The following RNF17 variants were observed in gnomAD, a reference collection of about 807,000 sequenced individuals.
RNF17 encodes the protein ring finger protein 17, also known as spermatogenesis associated 23.
A neutral mutation model predicts 200.5 loss-of-function variants in RNF17; 31 were observed. That is an observed-to-expected ratio of 0.15 (90% CI 0.12 to 0.21). RNF17 has a LOEUF of 0.21. Ranked by LOEUF, RNF17 falls within the 10% of genes least tolerant of loss-of-function variation. The pLI is 1.00. For missense variants in RNF17, 1,628 were observed against 1,905.1 expected (o/e 0.85, Z 2.71); for synonymous variants, 606 against 637.8 (o/e 0.95, Z 0.75).
rs200361407 is a variant in RNF17 at position 24,789,328 on chromosome 13, A to AT, written c.784-10dup. The AT allele has an allele frequency of 2.3e-3, 3,177 of 1,379,556 alleles. No individual in the cohort carries two copies. Among genetic ancestry groups the AT allele is most frequent in the East Asian group, 9.2e-3 (377 of 40,776 alleles). 85.5% of individuals were successfully genotyped at this position (1,379,556 alleles called of 1,614,324 possible). A position where few individuals can be genotyped will look rare whatever the true frequency, so the allele number is the denominator to read the frequency against. On this transcript the variant is annotated intron_variant, in intron 7 of 35. Transcript: ENST00000255324. ...TTGTGACAAGATTCACACATGAATG[A>AT]TTTTTTTTTTAAATTCTAGATTATC... is the stretch of plus-strand genomic sequence containing the variant.
intron 5 of RNF17, among the ~76,000 whole-genome samples, chr13:24,779,974 TCTC>T (rs1158103164): frequency 3.9e-5 from 6 of 152,202 alleles, no homozygotes; most frequent in Non-Finnish European, 7.3e-5. Flanking sequence ...AACCATGACT[TCTC>T]CTTGCTATGA....
chr13:24,798,616 G>A (rs963487663), intron 11 of RNF17, among the ~76,000 whole-genome samples: 6 of 152,182 alleles, frequency 3.9e-5, no homozygotes, highest in Non-Finnish European at 7.4e-5. Flanking sequence ...AGCCATGTGA[G>A]TTGGGCTAGA....
At chr13:24,885,631 T>TCCTCTG in the RNF17 span, 1 of 1,612,838 alleles carries the variant, frequency 6.2e-7, no homozygotes, top group Non-Finnish European at 8.5e-7. Flanking sequence ...ATTGCCTAAA[T>TCCTCTG]CACGAGGAGG....
At position 24,862,887 on chromosome 13, in the gene RNF17, T is replaced by C. The variant is rs1017120200; in HGVS notation, c.3975+94T>C. The C allele has an allele frequency of 1.9e-5, 13 of 672,572 alleles. No individual in the cohort carries two copies. In the African/African-American group the frequency reaches 2.4e-4, roughly 12 times the overall value. The allele number at this position is 672,572 out of a possible 1,614,324, so 41.7% of individuals were successfully genotyped here. On this transcript the variant is annotated intron_variant, in intron 28 of 35. Coordinates refer to ENST00000255324, the MANE Select transcript of RNF17 (RefSeq NM_031277.3). ...GGATATTTTTGATGATAAGCAATGG[T>C]ATATACCTTCTTATGTGAATTGCTT...
rs1259288903 is a variant in RNF17 at position 24,818,999 on chromosome 13, T to C, written c.2092-6620T>C. ...TCTTTTGTGTTTAGTTGCTTTTTTC[T>C]TTTTAGTATGATGTATTTTTTAAAA... On this transcript the variant is annotated intron_variant, in intron 15 of 35. Coordinates refer to ENST00000255324, the MANE Select transcript of RNF17 (RefSeq NM_031277.3). Among the ~76,000 whole-genome samples the C allele has an allele frequency of 2.0e-5, 3 of 152,126 alleles. No homozygotes were observed. The East Asian group carries it at 5.8e-4, about 29-fold the overall frequency.
rs114728485 is a variant in RNF17, at chr13:24,877,063, G to T, written c.4650G>T (p.Gly1550=). 6.2e-7 allele frequency: 1 copy of T among 1,613,364 alleles called. No homozygotes were observed. Among genetic ancestry groups the T allele is most frequent in the Non-Finnish European group, 8.5e-7 (1 of 1,179,756 alleles). Residue 1550 remains glycine (G), a synonymous_variant, in exon 34 of 36, where the codon GGG becomes GGT. Coordinates refer to ENST00000255324, the MANE Select transcript of RNF17 (RefSeq NM_031277.3). ...PARAIKVLLA[G]FKPPLRDLGE... ...GAGCCATAAAGGTTCTCTTGGCAGGGTTTAAACCTCCCTTAAGGGATCTAG... is the reference window on the plus strand; with the variant it reads ...GAGCCATAAAGGTTCTCTTGGCAGGTTTTAAACCTCCCTTAAGGGATCTAG...
chr13:24,799,942 T>C (rs1044445638), intron 12 of RNF17, among the ~76,000 whole-genome samples: 8 of 152,156 alleles, frequency 5.3e-5, no homozygotes, highest in Non-Finnish European at 8.8e-5. Flanking sequence ...TTTCAAAGTG[T>C]CATACTGTCT....
intron 18 of RNF17, 113 bp from the exon 19 acceptor site, chr13:24,841,928 T>C: frequency 1.2e-6 from 1 of 801,620 alleles, no homozygotes; most frequent in South Asian, 1.8e-5. Flanking sequence ...ATCGTGCCAC[T>C]GCACTCCAGC....
At chr13:24,869,063 C>G (rs754373944) in intron 31 of RNF17, among the ~76,000 whole-genome samples, 1 of 152,170 alleles carries the variant, frequency 6.6e-6, no homozygotes, top group Non-Finnish European at 1.5e-5. Flanking sequence ...AACCACCTGG[C>G]TGACACCGTG....
chr13:24,784,702 A>G (rs962195506), intron 6 of RNF17, among the ~76,000 whole-genome samples: 17 of 151,722 alleles, frequency 1.1e-4, no homozygotes, highest in African/African-American at 4.1e-4. Context: ...TGATTATAGT[A>G]ATTTGATTCT....
chr13:24,823,783 C>T (rs975334776), intron 15 of RNF17, among the ~76,000 whole-genome samples: 34 of 152,190 alleles, frequency 2.2e-4, no homozygotes, highest in African/African-American at 6.8e-4. Flanking sequence ...CCCAGATTCT[C>T]CTCCTGGCCT....
At chr13:24,883,110 C>T (rs1408554943), downstream of RNF17, 37 of 1,341,546 alleles carry the variant, frequency 2.8e-5, 1 homozygote, top group Admixed American at 6.0e-4. Flanking sequence ...AAACAGAATC[C>T]ACAGTAAATG....
intron 15 of RNF17, among the ~76,000 whole-genome samples, chr13:24,805,863 G>T (rs190828332): frequency 0.022 from 3,245 of 148,464 alleles, 94 homozygotes; most frequent in African/African-American, 0.073. Flanking sequence ...TGAACACTTG[G>T]TTTTTTTTTT....
chr13:24,792,857 T>TA (rs1884045681), intron 9 of RNF17, among the ~76,000 whole-genome samples, 185 bp from the exon 10 acceptor site: 1 of 152,136 alleles, frequency 6.6e-6, no homozygotes, highest in South Asian at 2.1e-4. Flanking sequence ...ACTGTCTGGA[T>TA]ATGTGGAGAA....
chr13:24,850,844 G>C (rs1213435235), intron 23 of RNF17, among the ~76,000 whole-genome samples: 1 of 152,156 alleles, frequency 6.6e-6, no homozygotes, highest in African/African-American at 2.4e-5. Flanking sequence ...AAAGAAACTT[G>C]TTAACTGATG....
the RNF17 span, among the ~76,000 whole-genome samples, chr13:24,755,516 A>G: frequency 2.6e-5 from 4 of 152,246 alleles, no homozygotes; most frequent in African/African-American, 9.6e-5. Context: ...AATAAATTCC[A>G]TACTGGATTA....
the RNF17 span, among the ~76,000 whole-genome samples, chr13:24,754,683 G>C: frequency 6.6e-6 from 1 of 152,004 alleles, no homozygotes; most frequent in African/African-American, 2.4e-5. Flanking sequence ...TTGAGACCAG[G>C]GTTTGAGACT....
At chr13:24,777,024 T>A (rs7332873) in intron 3 of RNF17, among the ~76,000 whole-genome samples, 3,041 of 152,322 alleles carry the variant, frequency 0.02, 104 homozygotes, top group African/African-American at 0.07. Context: ...ATAACCATTT[T>A]AAAAATTAAA....
chr13:24,799,372 G>T (rs760345531), intron 11 of RNF17, 23 bp from the exon 12 acceptor site: 14 of 1,564,738 alleles, frequency 8.9e-6, no homozygotes, highest in African/African-American at 1.4e-5. Flanking sequence ...TGTTTATAAC[G>T]ATTTGTTTCC....
Sources: gnomAD v4.1 joint callset for allele counts (sites outside exome capture counted in the v4.1 genomes callset) on GRCh38, gnomAD v4.1.1 for gene constraint, MANE v1.5 for transcripts, NCBI Gene and HGNC (gene_info 2026-07-23, HGNC 2026-07-21) for gene names.